Variants in ALMS1 observed in about 807,000 individuals in gnomAD.
The protein encoded by ALMS1 is centrosome-associated protein ALMS1.
A neutral mutation model predicts 352.2 loss-of-function variants in ALMS1; 271 were observed. The ratio of observed to expected loss-of-function variants is 0.77; its 90% CI spans 0.70 to 0.85. The LOEUF is 0.85. ALMS1 is among the 40% of genes least tolerant of loss of function. The probability of loss-of-function intolerance (pLI) is 0.00; values close to 1 mark genes in which losing one functional copy is unlikely to be tolerated. For missense variants in ALMS1, 5,445 were observed against 4,870.7 expected, an observed-to-expected ratio of 1.12 and a Z score of -3.51; for synonymous variants, 1,865 against 1,761.2, an observed-to-expected ratio of 1.06 and a Z score of -1.48.
At chr2:73,500,352 C>T (rs1673194715) in intron 10 of ALMS1, among the ~76,000 whole-genome samples, 1 of 152,104 alleles carries the variant, frequency 6.6e-6, no homozygotes, top group Admixed American at 6.6e-5. Flanking sequence ...TGGCCCTTTT[C>T]TAGGTACTTT....
intron 2 of ALMS1, among the ~76,000 whole-genome samples, chr2:73,412,588 G>T (rs1405848951): frequency 6.6e-6 from 1 of 152,112 alleles, no homozygotes; most frequent in Non-Finnish European, 1.5e-5. Context: ...TCAGGAGTTT[G>T]AGACCAGCCT....
intron 1 of ALMS1, among the ~76,000 whole-genome samples, chr2:73,406,348 A>T (rs1670971465): frequency 6.6e-6 from 1 of 150,590 alleles, no homozygotes; most frequent in Non-Finnish European, 1.5e-5. Context: ...ATCTTTTTGA[A>T]TCTTTTTACT....
chr2:73,490,711 C>T lies in ALMS1; in HGVS notation c.8752C>T (p.Leu2918Phe). ...PQHQDYVAPD[L>F]PSCIFLEQRE... ...ACATCAGGATTATGTAGCTCCAGAC[C>T]TTCCTTCTTGCATTTTTCTTGAACA... The change falls in exon 10 of 23, where the codon CTT becomes TTT. Residue 2918 changes from leucine (L) to phenylalanine (F), a missense_variant. Transcript: ENST00000613296. 1 of 1,614,130 alleles carries T rather than the reference C, an allele frequency of 6.2e-7. No individual in the cohort carries two copies. The highest frequency in any genetic ancestry group is 8.5e-7 in the Non-Finnish European group (1 of 1,180,016).
In ALMS1 at chr2:73,557,244, C is replaced by A. The variant is rs1270212178; in HGVS notation, c.10103C>A (p.Thr3368Asn). ...GATGCCTCAGTTCAAGTGCTAATCACTGGGGATGAGAACCTCTCAGACAAA... is the reference window on the plus strand; with the variant it reads ...GATGCCTCAGTTCAAGTGCTAATCAATGGGGATGAGAACCTCTCAGACAAA... ...NADASVQVLITGDENLSDKKQ... is the reference protein window; with the variant it reads ...NADASVQVLINGDENLSDKKQ... Residue 3368 changes from threonine (T) to asparagine (N), a missense_variant, in exon 14 of 23, where the codon ACT becomes AAT. Physicochemically the swap from Thr to Asn is moderately conservative, Grantham distance 65. Coordinates refer to ENST00000613296, the MANE Select transcript of ALMS1 (RefSeq NM_001378454.1). The A allele has an allele frequency of 1.2e-6, 2 of 1,614,102 alleles. No individual in the cohort carries two copies. The highest frequency in any genetic ancestry group is 2.2e-5 in the South Asian group (2 of 91,086).
At chr2:73,436,428 T>C (rs1334112268) in intron 7 of ALMS1, among the ~76,000 whole-genome samples, 1 of 152,224 alleles carries the variant, frequency 6.6e-6, no homozygotes, top group African/African-American at 2.4e-5. Context: ...TTTGTCTAAT[T>C]TGGGAAGTTT....
chr2:73,562,868 CAA>C (rs974547936), intron 15 of ALMS1, among the ~76,000 whole-genome samples: 34 of 151,628 alleles, frequency 2.2e-4, no homozygotes, highest in African/African-American at 7.7e-4. Context: ...ACCTGGGCAA[CAA>C]GAGTGAAACT....
At chr2:73,541,657 T>G (rs936534820) in intron 12 of ALMS1, among the ~76,000 whole-genome samples, 1 of 151,938 alleles carries the variant, frequency 6.6e-6, no homozygotes, top group Non-Finnish European at 1.5e-5. Context: ...AAGAATCAAA[T>G]AGACGCAATA....
chr2:73,396,223 T>G (rs189100218), intron 1 of ALMS1, among the ~76,000 whole-genome samples: 1 of 152,198 alleles, frequency 6.6e-6, no homozygotes, highest in East Asian at 1.9e-4. Flanking sequence ...TAATTGATAT[T>G]AGGTTATTAA....
At chr2:73,541,895 A>G (rs981762669) in intron 12 of ALMS1, among the ~76,000 whole-genome samples, 2 of 152,178 alleles carry the variant, frequency 1.3e-5, no homozygotes, top group African/African-American at 4.8e-5. Context: ...CAACCAAAAA[A>G]AGTCCAGGAC....
chr2:73,596,185 C>T (rs1278079889), intron 16 of ALMS1, among the ~76,000 whole-genome samples: 1 of 152,184 alleles, frequency 6.6e-6, no homozygotes, highest in Non-Finnish European at 1.5e-5. Context: ...AACTGTTTGC[C>T]TAACCAAAGT....
At chr2:73,541,257 T>A (rs1367398827) in intron 12 of ALMS1, among the ~76,000 whole-genome samples, 4 of 152,226 alleles carry the variant, frequency 2.6e-5, no homozygotes, top group African/African-American at 9.6e-5. Context: ...CTGAACAACC[T>A]GCCCCTGAAT....
chr2:73,599,362 C>T lies in ALMS1; in HGVS notation c.11548-39C>T, dbSNP rs189955693. On this transcript the variant is annotated intron_variant, in intron 16 of 22. Coordinates refer to ENST00000613296, the MANE Select transcript of ALMS1 (RefSeq NM_001378454.1). ...ATCCTGTGGATAACTGTGACATTGA[C>T]TGCAGGTAATAATAACAAGATCTCT... 2.8e-4 allele frequency: 453 copies of T among 1,608,368 alleles called. 1 individual carries two copies. In the African/African-American group the frequency reaches 4.3e-3, roughly 15 times the overall value.
At chr2:73,570,423 A>G (rs906748985) in intron 15 of ALMS1, among the ~76,000 whole-genome samples, 3 of 152,196 alleles carry the variant, frequency 2.0e-5, no homozygotes, top group Admixed American at 1.3e-4. Context: ...GAGGTCATTG[A>G]TCATATTAGC....
chr2:73,587,004 TTTG>T (rs142644485), intron 16 of ALMS1, among the ~76,000 whole-genome samples: 18,925 of 151,674 alleles, frequency 0.12, 1,247 homozygotes, highest in East Asian at 0.22. Context: ...TGTGTTTTTT[TTTG>T]TTTGTTTGTT....
chr2:73,488,345 G>T (rs1184122732), intron 9 of ALMS1, among the ~76,000 whole-genome samples: 1 of 152,204 alleles, frequency 6.6e-6, no homozygotes, highest in Non-Finnish European at 1.5e-5. Context: ...TGGCTGGGTC[G>T]CAACAGTGCC....
rs1671865677 is a variant in ALMS1, at chr2:73,448,857, A to C, written c.2330A>C (p.Asp777Ala). ...AAGCCTAGTATTTTGTACCCACAGG[A>C]CTTAGCAGACAGTCATCTACCTGAA... ...REKPSILYPQDLADSHLPEEG... is the reference protein window; with the variant it reads ...REKPSILYPQALADSHLPEEG... Residue 777 changes from aspartate (D) to alanine (A), a missense_variant, in exon 8 of 23, where the codon GAC (aspartate) becomes GCC (alanine). Coordinates refer to ENST00000613296, the MANE Select transcript of ALMS1 (RefSeq NM_001378454.1). 1.2e-6 allele frequency: 2 copies of C among 1,613,462 alleles called. No individual in the cohort carries two copies. The highest frequency in any genetic ancestry group is 1.7e-6 in the Non-Finnish European group (2 of 1,179,870).
At chr2:73,608,768 C>T (rs1675874525) in intron 22 of ALMS1, among the ~76,000 whole-genome samples, 194 bp downstream of exon 22, 1 of 152,202 alleles carries the variant, frequency 6.6e-6, no homozygotes, top group South Asian at 2.1e-4. Flanking sequence ...TTTAACTCCC[C>T]ATCCATAATG....
At chr2:73,552,105 C>T (rs1674449880) in intron 13 of ALMS1, among the ~76,000 whole-genome samples, 1 of 152,006 alleles carries the variant, frequency 6.6e-6, no homozygotes, top group Non-Finnish European at 1.5e-5. Flanking sequence ...GCACAATGTG[C>T]AGGTTAGTTA....
intron 9 of ALMS1, among the ~76,000 whole-genome samples, chr2:73,477,610 A>G (rs1008909896): frequency 6.6e-6 from 1 of 152,088 alleles, no homozygotes; most frequent in African/African-American, 2.4e-5. Flanking sequence ...TTCAGTCCAT[A>G]AACATGAGCC....
Sources: allele counts gnomAD v4.1 joint callset (sites outside exome capture counted in the v4.1 genomes callset), GRCh38; gene constraint gnomAD v4.1.1; transcripts MANE v1.5; gene names NCBI Gene and HGNC (gene_info 2026-07-23, HGNC 2026-07-21).